BOC: variants seen among roughly 807,000 people sequenced by gnomAD.
BOC encodes the protein brother of CDO.
A neutral mutation model predicts 112.0 loss-of-function variants in BOC; 76 were observed. That is an observed-to-expected ratio of 0.68 (90% CI 0.56 to 0.82). The LOEUF (loss-of-function observed/expected upper bound fraction) is 0.82. BOC is among the 40% of genes least tolerant of loss of function. The probability of loss-of-function intolerance (pLI) is 0.00; values close to 1 mark genes in which losing one functional copy is unlikely to be tolerated. For synonymous variants in BOC, 580 were observed against 599.8 expected (o/e 0.97, Z 0.48); for missense variants, 1,309 against 1,511.7 (o/e 0.87, Z 2.22).
intron 4 of BOC, among the ~76,000 whole-genome samples, chr3:113,262,648 A>G (rs1017161958): frequency 2.6e-5 from 4 of 152,202 alleles, no homozygotes; most frequent in African/African-American, 4.8e-5. Context: ...TGAGAGCACA[A>G]TGAGGCTCCA....
At chr3:113,264,787 T>C (rs1360481645) in intron 4 of BOC, among the ~76,000 whole-genome samples, 3 of 152,186 alleles carry the variant, frequency 2.0e-5, no homozygotes, top group African/African-American at 7.2e-5. Flanking sequence ...TTGGGAGTGT[T>C]TAAGCTAAGG....
intron 2 of BOC, among the ~76,000 whole-genome samples, chr3:113,237,947 C>T (rs983102149): frequency 1.3e-5 from 2 of 152,202 alleles, no homozygotes; most frequent in African/African-American, 2.4e-5. Flanking sequence ...AAATTGGACA[C>T]ATCCTTGCCT....
At position 113,229,469 on chromosome 3, in the gene BOC, C is replaced by T. The variant is rs144617352; in HGVS notation, c.-82+13195C>T. Among the ~76,000 whole-genome samples, 3 of 152,182 alleles carry T rather than the reference C, an allele frequency of 2.0e-5. No individual in the cohort carries two copies. In the South Asian group the frequency reaches 6.2e-4, roughly 32 times the overall value. On this transcript the variant is annotated intron_variant, in intron 2 of 19. Transcript: ENST00000682979. ...TGCCCCTAGAAGCAATTGTTCCTGG[C>T]CCCAGTCAGCAGCAGCCACTATGGC...
intron 2 of BOC, among the ~76,000 whole-genome samples, chr3:113,217,561 G>A (rs1018803023): frequency 2.0e-5 from 3 of 152,044 alleles, no homozygotes; most frequent in African/African-American, 7.2e-5. Flanking sequence ...GGAGATGGGA[G>A]AGGGAGAGGA....
intron 2 of BOC, among the ~76,000 whole-genome samples, chr3:113,234,372 G>A (rs1274329900): frequency 6.6e-6 from 1 of 151,930 alleles, no homozygotes; most frequent in Admixed American, 6.5e-5. Flanking sequence ...TGTGCACATG[G>A]GCATGTGCAC....
chr3:113,274,432 C>T lies in BOC; in HGVS notation c.1292C>T (p.Ser431Leu). 2 of 1,596,418 alleles carry T rather than the reference C, an allele frequency of 1.3e-6. No homozygotes were observed. The highest frequency in any genetic ancestry group is 1.1e-5 in the South Asian group (1 of 89,754). ...AELATGTPPV[S>L]PSKLGNPEQM... ...CTGGCTACTGGCACACCTCCTGTAT[C>T]ACCCTCCAAACTCGGCAACCCTGAG... Residue 431 changes from serine (S) to leucine (L), a missense_variant, in exon 9 of 20, where the codon TCA becomes TTA. Physicochemically the swap from Ser to Leu is moderately radical, Grantham distance 145 (BLOSUM62 -2). Transcript: ENST00000682979. This position sits in a 1 kb window ranked among gnomAD's most constrained non-coding sequence, Gnocchi z 4.8.
chr3:113,263,084 C>T (rs908214217), intron 4 of BOC, among the ~76,000 whole-genome samples: 1 of 152,208 alleles, frequency 6.6e-6, no homozygotes, highest in South Asian at 2.1e-4. Flanking sequence ...ATCCTTTGTG[C>T]CTTGTAGCAT....
At chr3:113,275,016 T>A (rs1274868306) in intron 9 of BOC, among the ~76,000 whole-genome samples, 2 of 152,220 alleles carry the variant, frequency 1.3e-5, no homozygotes, top group African/African-American at 4.8e-5. Context: ...ACCATCACCC[T>A]CCTTCTTGCT....
chr3:113,282,900 C>G (rs753707865), intron 15 of BOC, among the ~76,000 whole-genome samples: 1 of 152,124 alleles, frequency 6.6e-6, no homozygotes. Context: ...CTTGACTCCA[C>G]CTCTGAATTG....
intron 2 of BOC, among the ~76,000 whole-genome samples, chr3:113,241,297 T>C (rs1396268436): frequency 6.6e-6 from 1 of 152,110 alleles, no homozygotes; most frequent in Non-Finnish European, 1.5e-5. Flanking sequence ...GGTTGGGTGC[T>C]CTTCCAGAGA....
chr3:113,241,322 C>T (rs1452884755), intron 2 of BOC, among the ~76,000 whole-genome samples: 1 of 152,126 alleles, frequency 6.6e-6, no homozygotes, highest in East Asian at 1.9e-4. Flanking sequence ...ACTCACCCAC[C>T]CATACTCCCT....
chr3:113,286,363 A>G (rs537939500), intron 19 of BOC, among the ~76,000 whole-genome samples: 1 of 152,184 alleles, frequency 6.6e-6, no homozygotes, highest in Non-Finnish European at 1.5e-5. Context: ...AGCCGCCTAA[A>G]CATAGAAAGA....
Position 113,278,526 on chromosome 3 carries a change from G to A in BOC, c.1706-147G>A. 4 of 793,930 alleles carry A rather than the reference G, an allele frequency of 5.0e-6. No homozygotes were observed. Among genetic ancestry groups the A allele is most frequent in the Non-Finnish European group, 8.2e-6 (4 of 489,544 alleles). 49.2% of individuals were successfully genotyped at this position (793,930 alleles called of 1,614,324 possible). A position where few individuals can be genotyped will look rare whatever the true frequency, so the allele number is the denominator to read the frequency against. On this transcript the variant is annotated intron_variant, in intron 10 of 19. Transcript: ENST00000682979. The surrounding 1 kb of genome is among the most constrained non-coding windows in gnomAD (Gnocchi z 4.2). ...CCACAACAGAACCAGTCTCGGCCGA[G>A]GCTGAGCCCACACCCTCAGTGCCCC...
At chr3:113,271,808 G>T (rs1300812894) in intron 6 of BOC, 1 of 163,888 alleles carries the variant, frequency 6.1e-6, no homozygotes, top group African/African-American at 2.4e-5. Flanking sequence ...TCTGCAGTTT[G>T]TCCACAGTGT....
chr3:113,279,847 C>G lies in BOC; in HGVS notation c.2047C>G (p.Arg683Gly). ...AGGCACCTCCTACAAGTTTCGAGTC[C>G]GGGCTCTGAACATGCTGGGGGAGAG... Reference protein sequence around the residue: ...EKGTSYKFRVRALNMLGESEP... With the variant: ...EKGTSYKFRVGALNMLGESEP... The change falls in exon 13 of 20, where the codon CGG (arginine) becomes GGG (glycine). Residue 683 changes from arginine (R) to glycine (G), a missense_variant. Coordinates refer to ENST00000682979, the MANE Select transcript of BOC (RefSeq NM_001378074.1). 1.2e-6 allele frequency: 2 copies of G among 1,610,078 alleles called. No homozygotes were observed. Among genetic ancestry groups the G allele is most frequent in the Non-Finnish European group, 1.7e-6 (2 of 1,177,756 alleles).
At chr3:113,272,174 C>T (rs1948189192) in intron 6 of BOC, 5 of 583,174 alleles carry the variant, frequency 8.6e-6, no homozygotes, top group Non-Finnish European at 1.5e-5. Context: ...TGCTGCTGTT[C>T]TTCTGTGTTA....
At chr3:113,240,016 C>T (rs184553521) in intron 2 of BOC, among the ~76,000 whole-genome samples, 8 of 152,254 alleles carry the variant, frequency 5.3e-5, no homozygotes, top group East Asian at 1.9e-4. Context: ...GAGTTCATAC[C>T]GAGGACCAAG....
intron 4 of BOC, among the ~76,000 whole-genome samples, chr3:113,265,602 A>G (rs911475789): frequency 6.6e-6 from 1 of 152,226 alleles, no homozygotes; most frequent in Non-Finnish European, 1.5e-5. Context: ...AAACAAAGTT[A>G]CCGATGTTTA....
chr3:113,211,392 A>T (rs1938120670), upstream of BOC: 1 of 152,200 alleles, frequency 6.6e-6, no homozygotes, highest in Non-Finnish European at 1.5e-5. Context: ...ACTGCCCTAG[A>T]GTTTGGGGGA....
Sources: allele counts gnomAD v4.1 joint callset (sites outside exome capture counted in the v4.1 genomes callset), GRCh38; gene constraint gnomAD v4.1.1; non-coding constraint Gnocchi (gnomAD v3.1); transcripts MANE v1.5; gene names NCBI Gene and HGNC (gene_info 2026-07-23, HGNC 2026-07-21).